LMF1: variants seen among roughly 807,000 people sequenced by gnomAD.
LMF1 encodes the protein transmembrane protein 112.
Under a neutral mutation model 60.6 loss-of-function variants are expected in LMF1, and 68 were observed. The observed-to-expected ratio is 1.12, with a 90% confidence interval of 0.92 to 1.37. LMF1 has a LOEUF of 1.37. Among genes scored for constraint, LMF1 ranks in the 40% most tolerant of loss-of-function variants. The probability of loss-of-function intolerance (pLI) is 0.00; values close to 1 mark genes in which losing one functional copy is unlikely to be tolerated. For missense variants in LMF1, 948 were observed against 767.2 expected (o/e 1.24, Z -2.78); for synonymous variants, 418 against 324.7 (o/e 1.29, Z -3.09).
At chr16:925,273 G>C (rs1348301893) in intron 3 of LMF1, among the ~76,000 whole-genome samples, 1 of 152,168 alleles carries the variant, frequency 6.6e-6, no homozygotes, top group Non-Finnish European at 1.5e-5. Context: ...ATTCAGCACT[G>C]GAAGTATGAA....
intron 4 of LMF1, among the ~76,000 whole-genome samples, chr16:910,316 C>T (rs561159407): frequency 2.6e-5 from 4 of 152,300 alleles, no homozygotes; most frequent in Admixed American, 2.6e-4. Flanking sequence ...CCGCCGCCCC[C>T]ACACCAGGGC....
upstream of LMF1, among the ~76,000 whole-genome samples, chr16:975,146 C>T (rs1206074753): frequency 6.6e-6 from 1 of 152,120 alleles, no homozygotes; most frequent in African/African-American, 2.4e-5. Context: ...CCTGTCCTCT[C>T]CCTGCACCCT....
intron 5 of LMF1, among the ~76,000 whole-genome samples, chr16:890,374 G>A (rs1013706553): frequency 6.6e-6 from 1 of 152,212 alleles, no homozygotes; most frequent in African/African-American, 2.4e-5. Flanking sequence ...AGTGGGTTTT[G>A]AAATGCGATT....
intron 10 of LMF1, among the ~76,000 whole-genome samples, chr16:864,115 C>G (rs1461196078): frequency 1.3e-5 from 2 of 152,336 alleles, no homozygotes; most frequent in East Asian, 3.9e-4. Context: ...ACATGTTTTG[C>G]AGATCTGTGC....
chr16:910,429 G>A (rs1326454371), intron 4 of LMF1, among the ~76,000 whole-genome samples: 4 of 152,238 alleles, frequency 2.6e-5, no homozygotes, highest in African/African-American at 7.2e-5. Flanking sequence ...GCACCCGGGA[G>A]GAAGGACGCA....
chr16:868,781 G>GA (rs2069684107), intron 10 of LMF1, among the ~76,000 whole-genome samples, 163 bp downstream of exon 10: 1 of 148,292 alleles, frequency 6.7e-6, no homozygotes, highest in South Asian at 2.3e-4. Context: ...TGGGGCGGGG[G>GA]GGGGGGGCCC....
chr16:921,626 G>C (rs1279139827), intron 3 of LMF1, among the ~76,000 whole-genome samples: 1 of 152,216 alleles, frequency 6.6e-6, no homozygotes, highest in Non-Finnish European at 1.5e-5. Flanking sequence ...GATGGGGCTC[G>C]TGCAAGTTCT....
chr16:945,156 G>A (rs2060493), intron 2 of LMF1, among the ~76,000 whole-genome samples: 68,854 of 146,512 alleles, frequency 0.47, 17,715 homozygotes, highest in African/African-American at 0.69. Context: ...GGCTGCAATG[G>A]ACCGAGTTCG....
intron 3 of LMF1, among the ~76,000 whole-genome samples, chr16:916,836 A>T (rs2151761745): frequency 6.6e-6 from 1 of 152,196 alleles, no homozygotes; most frequent in Middle Eastern, 3.4e-3. Flanking sequence ...TGTCAGGAAC[A>T]CCCCTCTCCT....
intron 3 of LMF1, among the ~76,000 whole-genome samples, chr16:925,908 T>G (rs2071581048): frequency 1.3e-5 from 2 of 152,270 alleles, no homozygotes; most frequent in African/African-American, 4.8e-5. Context: ...TGTGTCTGTG[T>G]GCATGTGCAC....
chr16:888,968 C>T (rs1483754682), intron 5 of LMF1, among the ~76,000 whole-genome samples: 2 of 152,182 alleles, frequency 1.3e-5, no homozygotes, highest in Admixed American at 6.5e-5. Flanking sequence ...GGGGTCCTCA[C>T]AACGGTGCTG....
intron 1 of LMF1, chr16:977,010 G>C (rs1219633165): frequency 2.2e-6 from 1 of 454,222 alleles, no homozygotes; most frequent in East Asian, 6.9e-5. Context: ...GGCATCAGGA[G>C]GACCAGGAGG....
intron 1 of LMF1, among the ~76,000 whole-genome samples, chr16:964,667 G>T (rs1343055806): frequency 1.3e-5 from 2 of 152,244 alleles, no homozygotes; most frequent in African/African-American, 4.8e-5. Flanking sequence ...CAACTGAGCA[G>T]GGTTTCAAGT....
chr16:938,791 A>G (rs970004823), intron 2 of LMF1, among the ~76,000 whole-genome samples: 3 of 152,234 alleles, frequency 2.0e-5, no homozygotes, highest in African/African-American at 4.8e-5. Flanking sequence ...CCGACCTCAG[A>G]GTACATAGTC....
chr16:970,643 C>G, intron 1 of LMF1, 145 bp downstream of exon 1: 1 of 741,138 alleles, frequency 1.3e-6, no homozygotes, highest in Non-Finnish European at 2.1e-6. Context: ...CCTGCCCGCC[C>G]CGCCTTGCCC....
chr16:916,593 C>G (rs117852769), intron 3 of LMF1, among the ~76,000 whole-genome samples: 2 of 152,154 alleles, frequency 1.3e-5, no homozygotes, highest in Non-Finnish European at 2.9e-5. Flanking sequence ...GCGCCAGTGG[C>G]GGGGCTGGGC....
chr16:886,203 C>T (rs1305364502), intron 5 of LMF1, among the ~76,000 whole-genome samples: 3 of 152,262 alleles, frequency 2.0e-5, no homozygotes, highest in Admixed American at 6.5e-5. Context: ...CAGTAAGGGG[C>T]GCATGGAGGA....
At chr16:958,566 C>T (rs934754199) in intron 1 of LMF1, among the ~76,000 whole-genome samples, 24 of 152,170 alleles carry the variant, frequency 1.6e-4, no homozygotes, top group Admixed American at 8.5e-4. Context: ...ACCACACACA[C>T]GTCACATGGC....
At chr16:877,813 C>G (rs2070037221) in intron 6 of LMF1, among the ~76,000 whole-genome samples, 1 of 152,134 alleles carries the variant, frequency 6.6e-6, no homozygotes, top group Non-Finnish European at 1.5e-5. Flanking sequence ...CTCTGAGGGA[C>G]CCGCAGACAG....
Sources: gnomAD v4.1 joint callset for allele counts (sites outside exome capture counted in the v4.1 genomes callset) on GRCh38, gnomAD v4.1.1 for gene constraint, MANE v1.5 for transcripts, NCBI Gene and HGNC (gene_info 2026-07-23, HGNC 2026-07-21) for gene names.